TSHZ2: variants seen among roughly 807,000 people sequenced by gnomAD.
TSHZ2 encodes the protein teashirt homolog 2.
TSHZ2 carries 21 observed loss-of-function variants against 74.4 expected under a neutral mutation model. The ratio of observed to expected loss-of-function variants is 0.28; its 90% CI spans 0.20 to 0.41. The LOEUF (loss-of-function observed/expected upper bound fraction) is 0.41, where lower values mean the gene tolerates loss of function less well. TSHZ2 is among the 10% of genes least tolerant of loss of function. The pLI, the probability that TSHZ2 is intolerant of heterozygous loss-of-function variation, is 1.00. For missense variants in TSHZ2, 1,244 were observed against 1,293.5 expected, an observed-to-expected ratio of 0.96 and a Z score of 0.59; for synonymous variants, 540 against 515.3, an observed-to-expected ratio of 1.05 and a Z score of -0.65.
At chr20:53,260,596 T>C (rs527377329) in intron 2 of TSHZ2, among the ~76,000 whole-genome samples, 2 of 152,184 alleles carry the variant, frequency 1.3e-5, no homozygotes, top group Admixed American at 1.3e-4. Context: ...TCAGAGGCAG[T>C]GTTTGGAAAA....
At chr20:53,292,913 T>G (rs1991307644) in intron 2 of TSHZ2, among the ~76,000 whole-genome samples, 1 of 152,168 alleles carries the variant, frequency 6.6e-6, no homozygotes, top group South Asian at 2.1e-4. Context: ...GTCACATGCA[T>G]CTAACACTAC....
rs569357837 is a variant in TSHZ2, at chr20:52,974,128, G to GT, written c.40+804dup. Among the ~76,000 whole-genome samples, 45 of 151,634 alleles carry GT rather than the reference G, an allele frequency of 3.0e-4. No individual in the cohort carries two copies. The South Asian group carries it at 5.6e-3, about 19-fold the overall frequency. ...GGATCAGTACAATAGACCTTCTAAA[G>GT]TTTTTTTTTCTTTTGGGTTGCTTAA... is the stretch of plus-strand genomic sequence containing the variant. On this transcript the variant is annotated intron_variant, in intron 1 of 2. Transcript: ENST00000371497.
chr20:53,251,911 A>G (rs1990340750), intron 1 of TSHZ2, among the ~76,000 whole-genome samples: 1 of 152,196 alleles, frequency 6.6e-6, no homozygotes, highest in East Asian at 1.9e-4. Flanking sequence ...CATCTCCTGT[A>G]TTCGGGCATT....
At chr20:53,452,493 G>T (rs906265792) in intron 2 of TSHZ2, among the ~76,000 whole-genome samples, 2 of 151,856 alleles carry the variant, frequency 1.3e-5, no homozygotes, top group Non-Finnish European at 2.9e-5. Context: ...CCAGCTACTC[G>T]GGAGGCTGAG....
chr20:53,220,266 A>C (rs1989523567), intron 1 of TSHZ2, among the ~76,000 whole-genome samples: 1 of 152,248 alleles, frequency 6.6e-6, no homozygotes, highest in South Asian at 2.1e-4. Context: ...AGAGTCAGTG[A>C]ATATTTCAGA....
intron 1 of TSHZ2, among the ~76,000 whole-genome samples, chr20:53,125,111 C>G (rs998373008): frequency 6.6e-6 from 1 of 152,044 alleles, no homozygotes; most frequent in African/African-American, 2.4e-5. Context: ...TTTGTCATCT[C>G]GAAAATGAGG....
At chr20:53,427,164 T>C (rs917041320) in intron 2 of TSHZ2, among the ~76,000 whole-genome samples, 1 of 152,178 alleles carries the variant, frequency 6.6e-6, no homozygotes, top group African/African-American at 2.4e-5. Flanking sequence ...TAGAGTGTGA[T>C]GGCGTGTGGT....
rs974356984 is a variant in TSHZ2, at chr20:53,387,269, G to A, written c.*9-99875G>A. Among the ~76,000 whole-genome samples the A allele has an allele frequency of 2.0e-5, 3 of 152,206 alleles. No homozygotes were observed. The East Asian group carries it at 5.8e-4, about 29-fold the overall frequency. ...AGAAAACAGTGGTCTAAAAAGCAGT[G>A]CCTCCCTAGAAGAAATGCCACTGGA... On this transcript the variant is annotated intron_variant, in intron 2 of 2. Coordinates refer to ENST00000371497, the MANE Select transcript of TSHZ2 (RefSeq NM_173485.6).
intron 1 of TSHZ2, among the ~76,000 whole-genome samples, chr20:53,172,445 A>G (rs1446204527): frequency 6.6e-6 from 1 of 152,208 alleles, no homozygotes; most frequent in Non-Finnish European, 1.5e-5. Flanking sequence ...TATTTAAAAG[A>G]TGTCTTAGGA....
intron 1 of TSHZ2, among the ~76,000 whole-genome samples, chr20:53,248,645 G>A (rs1990259828): frequency 6.6e-6 from 1 of 152,124 alleles, no homozygotes; most frequent in African/African-American, 2.4e-5. Context: ...AAGTTCCCAT[G>A]TGTGAATCTT....
rs997756712 is a variant in TSHZ2, at chr20:53,475,517, A to C, written c.*9-11627A>C. 3.9e-4 allele frequency among the ~76,000 whole-genome samples: 43 copies of C among 110,520 alleles called. 1 individual carries two copies. Among genetic ancestry groups the C allele is most frequent in the African/African-American group, 1.4e-3 (36 of 25,620 alleles). The allele number at this position is 110,520 out of a possible 152,430, so 72.5% of individuals were successfully genotyped here. A position where few individuals can be genotyped will look rare whatever the true frequency, so the allele number is the denominator to read the frequency against. On this transcript the variant is annotated intron_variant, in intron 2 of 2. Transcript: ENST00000371497. ...GGGACGCATTCAAAGCAGTGTGTAGAGGGAAATTTATAGCACTAAATGCCC... is the reference window on the plus strand; with the variant it reads ...GGGACGCATTCAAAGCAGTGTGTAGCGGGAAATTTATAGCACTAAATGCCC...
chr20:53,425,404 G>A (rs1568911916), intron 2 of TSHZ2, among the ~76,000 whole-genome samples: 1 of 152,184 alleles, frequency 6.6e-6, no homozygotes, highest in African/African-American at 2.4e-5. Context: ...GAGGGTCCAA[G>A]GTCCAGCATC....
chr20:53,467,821 A>T (rs1985606172), intron 2 of TSHZ2, among the ~76,000 whole-genome samples: 1 of 152,180 alleles, frequency 6.6e-6, no homozygotes, highest in Non-Finnish European at 1.5e-5. Context: ...GATCCATCCC[A>T]AGAACCACCT....
In TSHZ2 at chr20:53,254,310, T is replaced by C. The variant is rs739870; in HGVS notation, c.852T>C (p.Phe284=). 0.74 allele frequency: 1,199,870 copies of C among 1,613,934 alleles called. 448,795 individuals carry two copies. Among genetic ancestry groups the C allele is most frequent in the African/African-American group, 0.94 (70,500 of 75,000 alleles). Residue 284 remains phenylalanine, a synonymous_variant, in exon 2 of 3, where the codon TTT becomes TTC. Transcript: ENST00000371497. ...VLKCMFCGDS[F]DSLQDLSVHM... ...AATGTATGTTTTGTGGCGACTCCTT[T>C]GATTCCCTCCAAGATTTGAGCGTCC...
chr20:53,101,509 T>G (rs1012315811), intron 1 of TSHZ2, among the ~76,000 whole-genome samples: 1 of 152,202 alleles, frequency 6.6e-6, no homozygotes, highest in African/African-American at 2.4e-5. Flanking sequence ...ATTCTTAAGT[T>G]TAAAGAATAA....
chr20:53,439,596 A>T (rs1318078125), intron 2 of TSHZ2, among the ~76,000 whole-genome samples: 6 of 152,230 alleles, frequency 3.9e-5, no homozygotes, highest in Non-Finnish European at 8.8e-5. Flanking sequence ...TATAGTATAG[A>T]TTCTCACCCA....
chr20:53,269,809 A>AAG (rs1568845072), intron 2 of TSHZ2, among the ~76,000 whole-genome samples: 1 of 145,392 alleles, frequency 6.9e-6, no homozygotes, highest in Non-Finnish European at 1.5e-5. Flanking sequence ...AAAAAAAAAG[A>AAG]AAAGAAAATC....
chr20:53,326,318 G>C (rs1979490685), intron 2 of TSHZ2, among the ~76,000 whole-genome samples: 1 of 152,238 alleles, frequency 6.6e-6, no homozygotes, highest in Non-Finnish European at 1.5e-5. Context: ...GGAACTTGGA[G>C]TGCTGAGCAA....
At chr20:53,246,231 T>C (rs1418498647) in intron 1 of TSHZ2, among the ~76,000 whole-genome samples, 1 of 151,916 alleles carries the variant, frequency 6.6e-6, no homozygotes, top group Non-Finnish European at 1.5e-5. Context: ...TTAGTAGAGA[T>C]GGGTTTTCAC....
Sources: allele counts gnomAD v4.1 joint callset (sites outside exome capture counted in the v4.1 genomes callset), GRCh38; gene constraint gnomAD v4.1.1; transcripts MANE v1.5; gene names NCBI Gene and HGNC (gene_info 2026-07-23, HGNC 2026-07-21).